MYT1L: variants seen among roughly 807,000 people sequenced by gnomAD.
MYT1L encodes the protein myelin transcription factor 1 like, also known as myelin transcription factor 1-like protein.
In MYT1L, 12 loss-of-function variants were observed where a neutral mutation model predicts 126.7. That is an observed-to-expected ratio of 0.09 (90% CI 0.06 to 0.15). The LOEUF is 0.15. MYT1L is among the 10% of genes least tolerant of loss of function. The pLI, the probability that MYT1L is intolerant of heterozygous loss-of-function variation, is 1.00. For missense variants in MYT1L, 979 were observed against 1,585.2 expected (o/e 0.62, Z 6.49); for synonymous variants, 541 against 604.2 (o/e 0.90, Z 1.53).
intron 2 of MYT1L, among the ~76,000 whole-genome samples, chr2:2,174,003 G>C (rs574904038): frequency 6.6e-6 from 1 of 152,094 alleles, no homozygotes; most frequent in South Asian, 2.1e-4. Context: ...CCAATAAAAT[G>C]CAACCATAAC....
chr2:1,979,873 G>A lies in MYT1L; in HGVS notation c.1-96C>T. On this transcript the variant is annotated intron_variant, in intron 5 of 24. Transcript: ENST00000647738. This position sits in a 1 kb window ranked among gnomAD's most constrained non-coding sequence, Gnocchi z 4.0. ...CTCTCCCTGGCATTCTATTAATGGG[G>A]CTTTAATCCTGTTTCCCTCCATGAA... 4 of 1,256,052 alleles carry A rather than the reference G, an allele frequency of 3.2e-6. No individual in the cohort carries two copies. The highest frequency in any genetic ancestry group is 4.6e-6 in the Non-Finnish European group (4 of 872,152). 77.8% of individuals were successfully genotyped at this position (1,256,052 alleles called of 1,614,324 possible).
At chr2:2,216,743 G>T (rs999341011) in intron 2 of MYT1L, among the ~76,000 whole-genome samples, 2 of 151,914 alleles carry the variant, frequency 1.3e-5, no homozygotes, top group African/African-American at 4.8e-5. Context: ...CTTTAAGAAG[G>T]TCAATCAGAG....
At chr2:2,284,640 A>G (rs566408343) in intron 1 of MYT1L, 137 bp from the exon 2 acceptor site, 2 of 152,316 alleles carry the variant, frequency 1.3e-5, no homozygotes, top group East Asian at 3.9e-4. Flanking sequence ...ACACAGCCAC[A>G]CTTGCTGAAA....
intron 18 of MYT1L, among the ~76,000 whole-genome samples, chr2:1,865,310 C>T (rs2045311679): frequency 6.6e-6 from 1 of 152,188 alleles, no homozygotes; most frequent in South Asian, 2.1e-4. Context: ...AGCAGCCCTG[C>T]TCCTGCGGCC....
intron 1 of MYT1L, among the ~76,000 whole-genome samples, chr2:2,295,857 G>A (rs1407214928): frequency 6.6e-6 from 1 of 150,986 alleles, no homozygotes; most frequent in Non-Finnish European, 1.5e-5. Context: ...AGGTAGCAGA[G>A]AGAGACAGAG....
chr2:1,797,900 C>A (rs1394465991), intron 23 of MYT1L, among the ~76,000 whole-genome samples: 2 of 81,638 alleles, frequency 2.4e-5, no homozygotes, highest in Non-Finnish European at 5.1e-5. Context: ...CGGTCTCCCC[C>A]TTCTCCGGCA....
chr2:2,104,398 A>G lies in MYT1L; in HGVS notation c.-303-50275T>C, dbSNP rs559433385. Reference sequence around the variant, plus strand: ...AACCACATATTAAAGATGGAATCAGATAAAATGTTAAGTGGCAACTGAATA... The same window carrying G: ...AACCACATATTAAAGATGGAATCAGGTAAAATGTTAAGTGGCAACTGAATA... On this transcript the variant is annotated intron_variant, in intron 3 of 24. Transcript: ENST00000647738. Among the ~76,000 whole-genome samples, 196 of 152,370 alleles carry G rather than the reference A, an allele frequency of 1.3e-3. 1 individual carries two copies. Among genetic ancestry groups the G allele is most frequent in the African/African-American group, 4.1e-3 (169 of 41,584 alleles).
chr2:2,099,317 T>G (rs1185564036), intron 3 of MYT1L, among the ~76,000 whole-genome samples: 1 of 152,094 alleles, frequency 6.6e-6, no homozygotes, highest in Non-Finnish European at 1.5e-5. Context: ...CCAGGGGAGT[T>G]TATGCTTCAA....
intron 18 of MYT1L, among the ~76,000 whole-genome samples, chr2:1,862,032 G>A (rs1045558129): frequency 6.6e-6 from 1 of 152,184 alleles, no homozygotes; most frequent in Non-Finnish European, 1.5e-5. Context: ...GGGGTTACCT[G>A]ATGTTTTCTC....
Position 1,887,183 on chromosome 2 carries a change from T to G in MYT1L, c.2642+305A>C. On this transcript the variant is annotated intron_variant, in intron 17 of 24. Coordinates refer to ENST00000647738, the MANE Select transcript of MYT1L (RefSeq NM_001303052.2). This position sits in a 1 kb window ranked among gnomAD's most constrained non-coding sequence, Gnocchi z 4.8. ...AAGTATGTTTAAAAAAAAAAAAAAC[T>G]TTTAAAAAAGTTTCATTGTTTCCAG... 1 of 412,688 alleles carries G rather than the reference T, an allele frequency of 2.4e-6. No individual in the cohort carries two copies. The highest frequency in any genetic ancestry group is 9.6e-5 in the South Asian group (1 of 10,408). The allele number at this position is 412,688 out of a possible 1,614,324, so 25.6% of individuals were successfully genotyped here.
In MYT1L at chr2:1,848,626, A is replaced by C. The variant is rs756377969; in HGVS notation, c.2774+3015T>G. On this transcript the variant is annotated intron_variant, in intron 19 of 24. Transcript: ENST00000647738. This position sits in a 1 kb window ranked among gnomAD's most constrained non-coding sequence, Gnocchi z 4.8. ...ACAGACAATAGAAGATTAACATGAA[A>C]AGAAGTTCCTCCTACTTGCATTTCT... Among the ~76,000 whole-genome samples, 12 of 152,186 alleles carry C rather than the reference A, an allele frequency of 7.9e-5. No individual in the cohort carries two copies. The highest frequency in any genetic ancestry group is 1.5e-4 in the Non-Finnish European group (10 of 68,032).
Position 1,923,114 on chromosome 2 carries a change from C to A in MYT1L, c.655G>T (p.Ala219Ser). 6.2e-7 allele frequency: 1 copy of A among 1,613,998 alleles called. No individual in the cohort carries two copies. The highest frequency in any genetic ancestry group is 8.5e-7 in the Non-Finnish European group (1 of 1,179,904). ...GKIAEDAAYR[A>S]RTESEMNSNT... ...CTGTTCATTTCTGACTCAGTCCTGG[C>A]CCGGTAGGCTGCATCCTCAGCGATT... is the stretch of plus-strand genomic sequence containing the variant. The change falls in exon 10 of 25, where the codon GCC becomes TCC. Residue 219 changes from alanine (A) to serine (S), a missense_variant. Ala to Ser is a moderately conservative substitution (Grantham distance 99). Coordinates refer to ENST00000647738, the MANE Select transcript of MYT1L (RefSeq NM_001303052.2).
At chr2:1,804,431 G>A (rs2035373280) in intron 22 of MYT1L, among the ~76,000 whole-genome samples, 1 of 152,120 alleles carries the variant, frequency 6.6e-6, no homozygotes, top group Non-Finnish European at 1.5e-5. Flanking sequence ...CACAACTAGG[G>A]TTTTATAATA....
intron 3 of MYT1L, among the ~76,000 whole-genome samples, chr2:2,123,431 T>C (rs1370168801): frequency 1.3e-5 from 2 of 152,176 alleles, no homozygotes; most frequent in African/African-American, 2.4e-5. Flanking sequence ...TCATGTTCAA[T>C]TGTCATGCCA....
At chr2:2,197,253 ATTAT>A (rs1207091409) in intron 2 of MYT1L, among the ~76,000 whole-genome samples, 1 of 152,186 alleles carries the variant, frequency 6.6e-6, no homozygotes, top group Admixed American at 6.5e-5. Flanking sequence ...CCTTTCAGTC[ATTAT>A]TTATTCAATG....
chr2:2,288,047 T>A (rs2095548683), intron 1 of MYT1L, among the ~76,000 whole-genome samples: 1 of 152,148 alleles, frequency 6.6e-6, no homozygotes, highest in Non-Finnish European at 1.5e-5. Flanking sequence ...CCTAGATAGA[T>A]CATCTGGTCT....
chr2:2,240,293 CT>C (rs974744098), intron 2 of MYT1L, among the ~76,000 whole-genome samples: 3 of 151,724 alleles, frequency 2.0e-5, no homozygotes, highest in Non-Finnish European at 4.4e-5. Context: ...AACTCCGTCT[CT>C]AAATAAATAA....
intron 3 of MYT1L, among the ~76,000 whole-genome samples, chr2:2,168,843 A>C (rs568516763): frequency 1.3e-5 from 2 of 152,292 alleles, no homozygotes; most frequent in Non-Finnish European, 2.9e-5. Context: ...ACCCAACTCA[A>C]AACTTTCTAA....
At chr2:2,237,747 C>A (rs1388575544) in intron 2 of MYT1L, among the ~76,000 whole-genome samples, 1 of 152,140 alleles carries the variant, frequency 6.6e-6, no homozygotes, top group Non-Finnish European at 1.5e-5. Flanking sequence ...GGGGGCCAGG[C>A]AGCTTAAGTC....
Sources: gnomAD v4.1 joint callset for allele counts (sites outside exome capture counted in the v4.1 genomes callset) on GRCh38, gnomAD v4.1.1 for gene constraint, Gnocchi (gnomAD v3.1) non-coding constraint, MANE v1.5 for transcripts, NCBI Gene and HGNC (gene_info 2026-07-23, HGNC 2026-07-21) for gene names.